Variants in FOXP2 observed in about 807,000 individuals in gnomAD.
The protein encoded by FOXP2 is forkhead box P2.
FOXP2 carries 12 observed loss-of-function variants against 115.8 expected under a neutral mutation model. The ratio of observed to expected loss-of-function variants is 0.10; its 90% CI spans 0.07 to 0.17. FOXP2 has a LOEUF of 0.17. Ranked by LOEUF, FOXP2 falls within the 10% of genes least tolerant of loss-of-function variation. FOXP2 has a pLI of 1.00. For synonymous variants in FOXP2, 328 were observed against 297.7 expected, an observed-to-expected ratio of 1.10 and a Z score of -1.05; for missense variants, 629 against 843.5, an observed-to-expected ratio of 0.75 and a Z score of 3.15.
At chr7:114,517,355 C>A (rs547811509) in intron 2 of FOXP2, among the ~76,000 whole-genome samples, 1 of 152,038 alleles carries the variant, frequency 6.6e-6, no homozygotes, top group Non-Finnish European at 1.5e-5. Flanking sequence ...GATGCAATCC[C>A]GTCGGTCTAT....
At chr7:114,611,012 TA>T (rs1483641330) in intron 3 of FOXP2, among the ~76,000 whole-genome samples, 1 of 152,158 alleles carries the variant, frequency 6.6e-6, no homozygotes, top group Non-Finnish European at 1.5e-5. Context: ...TAATTTGAGA[TA>T]AAACGTGTGA....
rs565282823 is a variant in FOXP2 at position 114,311,005 on chromosome 7, T to C, written c.-11+22896T>C. On this transcript the variant is annotated intron_variant, in intron 2 of 17. Coordinates refer to the FOXP2 transcript ENST00000634411. ...GATTCTTCCCTTGGGGTGGGCTGTC[T>C]GCCTGCGCATGCTTGAGTCCACTCG... is the stretch of plus-strand genomic sequence containing the variant. Among the ~76,000 whole-genome samples, 19 of 152,302 alleles carry C rather than the reference T, an allele frequency of 1.2e-4. No homozygotes were observed. In the East Asian group the frequency reaches 3.3e-3, roughly 26 times the overall value.
intron 2 of FOXP2, among the ~76,000 whole-genome samples, chr7:114,318,908 T>C (rs1797340599): frequency 6.6e-6 from 1 of 152,144 alleles, no homozygotes. Flanking sequence ...AATATTCTAG[T>C]TTAGTGTAGT....
At chr7:114,661,563 C>T (rs1218465852) in intron 13 of FOXP2, among the ~76,000 whole-genome samples, 1 of 152,014 alleles carries the variant, frequency 6.6e-6, no homozygotes, top group Non-Finnish European at 1.5e-5. Context: ...ACAGAATAAA[C>T]AAACTCTGTC....
intron 2 of FOXP2, among the ~76,000 whole-genome samples, chr7:114,534,122 CA>C (rs571121141): frequency 6.6e-6 from 1 of 151,706 alleles, no homozygotes; most frequent in South Asian, 2.1e-4. Context: ...ATTGTAAGTA[CA>C]AAAAAAGTGT....
At position 114,692,563 on chromosome 7, in the gene FOXP2, T is replaced by C. The variant is rs1808720579; in HGVS notation, c.*2637T>C. On this transcript the variant is annotated 3_prime_UTR_variant, in exon 17 of 17. Transcript: ENST00000350908. Reference sequence around the variant, plus strand: ...AATGCATTTCATGAATTTTTACTCTTATATCATTGCTTGCTAGTAATAGCA... The same window carrying C: ...AATGCATTTCATGAATTTTTACTCTCATATCATTGCTTGCTAGTAATAGCA... 2.2e-6 allele frequency: 1 copy of C among 453,428 alleles called. No homozygotes were observed. The highest frequency in any genetic ancestry group is 6.9e-5 in the East Asian group (1 of 14,392). 28.1% of individuals were successfully genotyped at this position (453,428 alleles called of 1,614,324 possible).
chr7:114,199,397 A>G (rs1584540232), intron 1 of FOXP2, among the ~76,000 whole-genome samples: 1 of 152,104 alleles, frequency 6.6e-6, no homozygotes, highest in East Asian at 1.9e-4. Flanking sequence ...AAATACATAT[A>G]TAAATGAATA....
intron 1 of FOXP2, among the ~76,000 whole-genome samples, chr7:114,092,629 G>A (rs2129139294): frequency 6.6e-6 from 1 of 152,076 alleles, no homozygotes; most frequent in Non-Finnish European, 1.5e-5. Context: ...GGCAGATAGT[G>A]AGGAAAAACT....
At chr7:114,297,160 C>A in intron 2 of FOXP2, 1 of 495,916 alleles carries the variant, frequency 2.0e-6, no homozygotes. Flanking sequence ...GAACGTTTCT[C>A]AGCTCCTCCT....
At chr7:114,521,173 T>C (rs1231977395) in intron 2 of FOXP2, among the ~76,000 whole-genome samples, 1 of 152,212 alleles carries the variant, frequency 6.6e-6, no homozygotes, top group Non-Finnish European at 1.5e-5. Flanking sequence ...TAGATGTACA[T>C]GGATATTAGT....
chr7:114,446,875 A>G (rs374640566), intron 2 of FOXP2, among the ~76,000 whole-genome samples: 1 of 151,434 alleles, frequency 6.6e-6, no homozygotes, highest in African/African-American at 2.4e-5. Context: ...CAGCCTCCCA[A>G]GTAGCTGGGA....
intron 2 of FOXP2, among the ~76,000 whole-genome samples, chr7:114,405,855 C>T (rs1793023544): frequency 6.6e-6 from 1 of 151,782 alleles, no homozygotes; most frequent in East Asian, 1.9e-4. Flanking sequence ...ATATAAATAG[C>T]ATATTGGCTC....
rs759256511 is a variant in FOXP2 at position 114,642,617 on chromosome 7, G to C, written c.983G>C (p.Arg328Pro). Residue 328 changes from arginine (R) to proline (P), a missense_variant, in exon 7 of 17, where the codon CGA (arginine) becomes CCA (proline). By Grantham distance (103) the Arg-to-Pro change is moderately radical (BLOSUM62 -2). Coordinates refer to ENST00000350908, the MANE Select transcript of FOXP2 (RefSeq NM_014491.4). The stretch of plus-strand genomic sequence containing the variant: ...CAGTCTTCAGTTCTAAGTGCAAGAC[G>C]AGACAGGTAAATCTCATGAGCTTTA... ...NGQSSVLSAR[R>P]DSSSHEETGA... 1.2e-6 allele frequency: 2 copies of C among 1,611,964 alleles called. No homozygotes were observed. Among genetic ancestry groups the C allele is most frequent in the Admixed American group, 3.3e-5 (2 of 59,982 alleles).
At chr7:114,306,366 C>T (rs1422086135) in intron 2 of FOXP2, among the ~76,000 whole-genome samples, 2 of 152,120 alleles carry the variant, frequency 1.3e-5, no homozygotes, top group African/African-American at 4.8e-5. Flanking sequence ...ATATTCATTA[C>T]AGCTGAGGAA....
Position 114,630,013 on chromosome 7 carries a change from C to A in FOXP2, c.597+8C>A, listed in dbSNP as rs1804814692. On this transcript the variant is annotated splice_region_variant and intron_variant, in intron 5 of 16. Transcript: ENST00000350908. ...GGAAAGCAAGCGAAAGAGGTAGGAT[C>A]CGGTTATCTCATTGATACATAACAG... 1 of 1,599,104 alleles carries A rather than the reference C, an allele frequency of 6.3e-7. No homozygotes were observed.
chr7:114,398,801 T>C (rs996032267), intron 2 of FOXP2, among the ~76,000 whole-genome samples: 2 of 152,184 alleles, frequency 1.3e-5, no homozygotes, highest in African/African-American at 4.8e-5. Flanking sequence ...CAGCAACAAG[T>C]TTTCCTCACT....
Position 114,292,002 on chromosome 7 carries a change from A to T in FOXP2, c.-11+3893A>T, listed in dbSNP as rs868595779. On this transcript the variant is annotated intron_variant, in intron 2 of 17. Transcript: ENST00000634411. Reference sequence around the variant, plus strand: ...ATATATAGAATATATATTATAGATAATATATAGATATAACATTAAAACACA... The same window carrying T: ...ATATATAGAATATATATTATAGATATTATATAGATATAACATTAAAACACA... Among the ~76,000 whole-genome samples, 13 of 130,794 alleles carry T rather than the reference A, an allele frequency of 9.9e-5. 3 individuals are homozygous for T. Among genetic ancestry groups the T allele is most frequent in the African/African-American group, 4.8e-4 (13 of 27,208 alleles). The allele number at this position is 130,794 out of a possible 152,430, so 85.8% of individuals were successfully genotyped here. A position where few individuals can be genotyped will look rare whatever the true frequency, so the allele number is the denominator to read the frequency against.
At chr7:114,104,682 A>G (rs1050163243) in intron 1 of FOXP2, among the ~76,000 whole-genome samples, 3 of 152,066 alleles carry the variant, frequency 2.0e-5, no homozygotes, top group Admixed American at 1.3e-4. Flanking sequence ...TAAAAGTTAA[A>G]GTAAACTTAG....
Position 114,346,484 on chromosome 7 carries a change from G to T in FOXP2, c.-11+58375G>T, listed in dbSNP as rs1049212226. On this transcript the variant is annotated intron_variant, in intron 2 of 17. Coordinates refer to the FOXP2 transcript ENST00000634411. ...GTCAAAGATATCTCTGCAGTCTGCT[G>T]TTTATTGCAGTGTTATTTATGATAG... 4.6e-5 allele frequency among the ~76,000 whole-genome samples: 7 copies of T among 151,946 alleles called. No homozygotes were observed. The East Asian group carries it at 1.4e-3, about 29-fold the overall frequency.
Sources: gnomAD v4.1 joint callset for allele counts (sites outside exome capture counted in the v4.1 genomes callset) on GRCh38, gnomAD v4.1.1 for gene constraint, MANE v1.5 for transcripts, NCBI Gene and HGNC (gene_info 2026-07-23, HGNC 2026-07-21) for gene names.